The following MDM2 variants were observed in gnomAD, a reference collection of about 807,000 sequenced individuals.
The protein encoded by MDM2 is E3 ubiquitin-protein ligase Mdm2.
MDM2 carries 11 observed loss-of-function variants against 64.3 expected under a neutral mutation model. The ratio of observed to expected loss-of-function variants is 0.17; its 90% CI spans 0.11 to 0.28. MDM2 has a LOEUF of 0.28. MDM2 is among the 10% of genes least tolerant of loss of function. The pLI is 1.00. For missense variants in MDM2, 388 were observed against 577.1 expected, an observed-to-expected ratio of 0.67 and a Z score of 3.36; for synonymous variants, 194 against 192.9, an observed-to-expected ratio of 1.01 and a Z score of -0.05.
At chr12:68,826,876 G>T (rs1882378262) in intron 7 of MDM2, among the ~76,000 whole-genome samples, 1 of 151,580 alleles carries the variant, frequency 6.6e-6, no homozygotes, top group South Asian at 2.1e-4. Context: ...TTGTGATCTC[G>T]ATAAAACGTA....
At position 68,839,628 on chromosome 12, in the gene MDM2, A is replaced by C. The variant is rs1883590957; in HGVS notation, c.1273A>C (p.Thr425Pro). ...TGTGAAAGAGTTTGAAAGGGAAGAA[A>C]CCCAAGACAAAGAAGAGAGTGTGGA... ...EDVKEFEREETQDKEESVESS... is the reference protein window; with the variant it reads ...EDVKEFEREEPQDKEESVESS... Residue 425 changes from threonine (T) to proline (P), a missense_variant, in exon 11 of 11, where the codon ACC (threonine) becomes CCC (proline). By Grantham distance (38) the Thr-to-Pro change is conservative. This residue lies in a region of MDM2 where 138 missense variants were observed against 143.7 expected (regional missense o/e 0.96). Transcript: ENST00000258149. 1 of 1,613,598 alleles carries C rather than the reference A, an allele frequency of 6.2e-7. No individual in the cohort carries two copies. The highest frequency in any genetic ancestry group is 1.1e-5 in the South Asian group (1 of 91,064).
chr12:68,846,147 G>A (rs1884280344), downstream of MDM2: 1 of 152,330 alleles, frequency 6.6e-6, no homozygotes, highest in South Asian at 2.1e-4. Flanking sequence ...TAGAGATGGG[G>A]TTTCAGCATG....
intron 3 of MDM2, chr12:68,815,533 G>A (rs1160914772): frequency 9.9e-6 from 2 of 201,734 alleles, no homozygotes; most frequent in South Asian, 4.7e-5. Context: ...CCTGGACCTC[G>A]TGGGCTCAGG....
At chr12:68,847,476 C>T (rs1484218638), downstream of MDM2, 1 of 34,964 alleles carries the variant, frequency 2.9e-5, no homozygotes, top group East Asian at 5.0e-4. Context: ...TTTTTTGAGA[C>T]GGAGTCCCGC....
chr12:68,833,634 G>A (rs182751597), intron 8 of MDM2, among the ~76,000 whole-genome samples: 6 of 151,574 alleles, frequency 4.0e-5, no homozygotes, highest in African/African-American at 7.3e-5. Flanking sequence ...GGGCTCTGCC[G>A]GGCCATGGTT....
chr12:68,843,237 C>T lies in MDM2; in HGVS notation c.*3388C>T, dbSNP rs1324572402. 4.4e-6 allele frequency: 1 copy of T among 225,044 alleles called. No homozygotes were observed. The highest frequency in any genetic ancestry group is 8.8e-6 in the Non-Finnish European group (1 of 113,138). 13.9% of individuals were successfully genotyped at this position (225,044 alleles called of 1,614,324 possible). A position where few individuals can be genotyped will look rare whatever the true frequency, so the allele number is the denominator to read the frequency against. Reference sequence around the variant, plus strand: ...AGTTCTAGCTGAAGTATTATGAACTCCAAATAATGCTTTGAGGACCTCCAA... The same window carrying T: ...AGTTCTAGCTGAAGTATTATGAACTTCAAATAATGCTTTGAGGACCTCCAA... On this transcript the variant is annotated 3_prime_UTR_variant, in exon 11 of 11. Coordinates refer to ENST00000258149, the MANE Select transcript of MDM2 (RefSeq NM_002392.6).
At chr12:68,809,187 G>T (rs550410140) in intron 1 of MDM2, 21 bp from the exon 2 acceptor site, 230 of 1,606,860 alleles carry the variant, frequency 1.4e-4, no homozygotes, top group Non-Finnish European at 1.9e-4. Flanking sequence ...AGTTTTCATC[G>T]TGTCTTTTTT....
At chr12:68,825,746 G>A (rs771878671) in intron 7 of MDM2, among the ~76,000 whole-genome samples, 4 of 152,226 alleles carry the variant, frequency 2.6e-5, no homozygotes, top group African/African-American at 7.2e-5. Context: ...TGAGGAAGTC[G>A]CAGTAACTAA....
chr12:68,808,468 A>G lies in MDM2; in HGVS notation c.-10A>G. On this transcript the variant is annotated 5_prime_UTR_variant, in exon 1 of 11. Transcript: ENST00000258149. Reference sequence around the variant, plus strand: ...TGAGGGACCCCCGACTCCAAGCGCGAAAACCCCGGATGGTGAGGAGCAGGT... The same window carrying G: ...TGAGGGACCCCCGACTCCAAGCGCGGAAACCCCGGATGGTGAGGAGCAGGT... The G allele has an allele frequency of 6.2e-7, 1 of 1,614,082 alleles. No individual in the cohort carries two copies.
intron 5 of MDM2, among the ~76,000 whole-genome samples, chr12:68,821,732 A>ACAAAG (rs1881873098): frequency 6.6e-6 from 1 of 151,902 alleles, no homozygotes; most frequent in African/African-American, 2.4e-5. Context: ...AAAGACAAAA[A>ACAAAG]CAAAACAAAA....
downstream of MDM2, chr12:68,846,086 AATT>A (rs1246378532): frequency 6.6e-6 from 1 of 152,108 alleles, no homozygotes; most frequent in Non-Finnish European, 1.5e-5. Flanking sequence ...GAGTAGCTGG[AATT>A]ATAGGTGCTC....
chr12:68,820,035 T>G lies in MDM2; in HGVS notation c.309-290T>G, dbSNP rs3730542. ...TCTTCCTGCTTGCATACTCATTTTT[T>G]GGGGGTCTTCTGGTAAAGTCCAAAC... On this transcript the variant is annotated intron_variant, in intron 4 of 10. Coordinates refer to ENST00000258149, the MANE Select transcript of MDM2 (RefSeq NM_002392.6). 9.4e-3 allele frequency among the ~76,000 whole-genome samples: 1,431 copies of G among 152,308 alleles called. 15 individuals carry two copies. Among genetic ancestry groups the G allele is most frequent in the Non-Finnish European group, 0.012 (810 of 68,018 alleles).
In MDM2 at chr12:68,839,421, T is replaced by A; in HGVS notation, c.1066T>A (p.Ser356Thr). Residue 356 changes from serine (S) to threonine (T), a missense_variant, in exon 11 of 11, where the codon TCA (serine) becomes ACA (threonine). By Grantham distance (58) the Ser-to-Thr change is moderately conservative. Coordinates refer to ENST00000258149, the MANE Select transcript of MDM2 (RefSeq NM_002392.6). ...EISEKAKLEN[S>T]TQAEEGFDVP... ...CTCTGAGAAAGCCAAACTGGAAAACTCAACACAAGCTGAAGAGGGCTTTGA... is the reference window on the plus strand; with the variant it reads ...CTCTGAGAAAGCCAAACTGGAAAACACAACACAAGCTGAAGAGGGCTTTGA... 1 of 1,613,656 alleles carries A rather than the reference T, an allele frequency of 6.2e-7. No individual in the cohort carries two copies. The highest frequency in any genetic ancestry group is 8.5e-7 in the Non-Finnish European group (1 of 1,179,986).
At chr12:68,833,152 ATAT>A (rs1882959238) in intron 8 of MDM2, among the ~76,000 whole-genome samples, 3 of 67,974 alleles carry the variant, frequency 4.4e-5, no homozygotes, top group African/African-American at 1.3e-4. Context: ...AAAAAAAAAT[ATAT>A]ATATATATAT....
At chr12:68,818,404 A>G (rs1308431840) in intron 4 of MDM2, among the ~76,000 whole-genome samples, 1 of 151,628 alleles carries the variant, frequency 6.6e-6, no homozygotes, top group African/African-American at 2.4e-5. Flanking sequence ...TAAAGGAAAA[A>G]AAAGGACTGT....
intron 7 of MDM2, 35 bp from the exon 8 acceptor site, chr12:68,828,736 G>A (rs1276948417): frequency 2.5e-6 from 4 of 1,604,970 alleles, no homozygotes; most frequent in East Asian, 2.2e-5. Flanking sequence ...CTAAATCACA[G>A]TACAGCAATT....
At chr12:68,839,156 C>A in intron 10 of MDM2, 118 bp from the exon 11 acceptor site, 1 of 844,356 alleles carries the variant, frequency 1.2e-6, no homozygotes, top group Non-Finnish European at 1.8e-6. Context: ...AAACATGAAA[C>A]ACTGAATATT....
chr12:68,817,551 A>G (rs1592574881), intron 4 of MDM2, among the ~76,000 whole-genome samples: 1 of 151,964 alleles, frequency 6.6e-6, no homozygotes, highest in South Asian at 2.1e-4. Context: ...GGAGTTGGAG[A>G]CCAGCCTGAC....
chr12:68,824,090 A>G, intron 5 of MDM2: 1 of 401,608 alleles, frequency 2.5e-6, no homozygotes, highest in South Asian at 5.3e-5. Context: ...CCCTGTCCCT[A>G]CCAAAATAAT....
Sources: gnomAD v4.1 joint callset for allele counts (sites outside exome capture counted in the v4.1 genomes callset) on GRCh38, gnomAD v4.1.1 for gene constraint, gnomAD v4.1.1 regional missense constraint, MANE v1.5 for transcripts, NCBI Gene and HGNC (gene_info 2026-07-23, HGNC 2026-07-21) for gene names.